Variants in C12orf42 observed in about 807,000 individuals in gnomAD.
C12orf42 encodes the protein uncharacterized protein C12orf42.
C12orf42 carries 25 observed loss-of-function variants against 21.6 expected under a neutral mutation model. The ratio of observed to expected loss-of-function variants is 1.16; its 90% CI spans 0.84 to 1.62. The LOEUF is 1.62. Ranked by LOEUF, C12orf42 falls within the 40% of genes most tolerant of loss-of-function variation. The pLI is 0.00. For synonymous variants in C12orf42, 174 were observed against 175.0 expected, an observed-to-expected ratio of 0.99 and a Z score of 0.05; for missense variants, 483 against 459.3, an observed-to-expected ratio of 1.05 and a Z score of -0.47.
At chr12:103,552,065 C>G in the C12orf42 span, among the ~76,000 whole-genome samples, 4 of 151,790 alleles carry the variant, frequency 2.6e-5, no homozygotes, top group Non-Finnish European at 5.9e-5. Flanking sequence ...TTATTGTGAT[C>G]TCTTATGGAA....
Position 103,302,552 on chromosome 12 carries a change from G to C in C12orf42, c.639C>G (p.Ala213=). ...GGCCGATGGCAGTGGAAGGTCTGGC[G>C]GCAGAACCTGGAAGGCAAAGCAGGA... ...LSSPKKNSGS[A]ARPSTAIGLC... The change falls in exon 6 of 6, where the codon GCC becomes GCG. Residue 213 remains alanine (A), a synonymous_variant. Transcript: ENST00000548883. The C allele has an allele frequency of 6.2e-7, 1 of 1,605,194 alleles. No individual in the cohort carries two copies. Among genetic ancestry groups the C allele is most frequent in the Non-Finnish European group, 8.5e-7 (1 of 1,176,252 alleles).
the C12orf42 span, among the ~76,000 whole-genome samples, chr12:103,219,132 T>A: frequency 6.6e-6 from 1 of 152,218 alleles, no homozygotes; most frequent in Non-Finnish European, 1.5e-5. Flanking sequence ...TGGATCCCAC[T>A]CCCATGGAGG....
chr12:103,218,339 G>A, the C12orf42 span, among the ~76,000 whole-genome samples: 1 of 151,978 alleles, frequency 6.6e-6, no homozygotes, highest in Non-Finnish European at 1.5e-5. Context: ...CTGAGGTCAG[G>A]AAAAATAGAC....
At chr12:103,430,848 C>G (rs1276680031) in intron 2 of C12orf42, among the ~76,000 whole-genome samples, 1 of 152,138 alleles carries the variant, frequency 6.6e-6, no homozygotes, top group Non-Finnish European at 1.5e-5. Context: ...TTATTCTCAG[C>G]AAACTAACAC....
chr12:103,399,426 T>C (rs1232853363), intron 3 of C12orf42, among the ~76,000 whole-genome samples: 1 of 150,908 alleles, frequency 6.6e-6, no homozygotes, highest in Non-Finnish European at 1.5e-5. Flanking sequence ...TGGAGTGAAA[T>C]GGTGCAGTCT....
intron 3 of C12orf42, among the ~76,000 whole-genome samples, chr12:103,388,604 T>C (rs1232638108): frequency 6.6e-6 from 1 of 152,198 alleles, no homozygotes; most frequent in Non-Finnish European, 1.5e-5. Flanking sequence ...GACTTTTAGA[T>C]GCCTGAAATA....
the C12orf42 span, among the ~76,000 whole-genome samples, chr12:103,129,053 G>T: frequency 5.8e-4 from 89 of 152,252 alleles, no homozygotes; most frequent in African/African-American, 2.0e-3. Flanking sequence ...GCCTTCCTGT[G>T]CATCTGTCAG....
chr12:103,164,256 A>G, the C12orf42 span: 1 of 376,402 alleles, frequency 2.7e-6, no homozygotes, highest in South Asian at 2.0e-5. Context: ...CATATATCCT[A>G]TGCTACCAGG....
the C12orf42 span, among the ~76,000 whole-genome samples, chr12:103,196,149 TCAAA>T: frequency 1.0e-3 from 156 of 152,296 alleles, 1 homozygote; most frequent in South Asian, 7.5e-3. Context: ...TTCATTAGTT[TCAAA>T]CAATTTATTG....
chr12:103,301,010 AT>A (rs1396633387), downstream of C12orf42, among the ~76,000 whole-genome samples: 1 of 152,224 alleles, frequency 6.6e-6, no homozygotes, highest in East Asian at 1.9e-4. Flanking sequence ...CATGCTAATA[AT>A]AAAAAAAGTA....
At chr12:103,458,838 A>G (rs1400559167) in intron 2 of C12orf42, among the ~76,000 whole-genome samples, 1 of 152,108 alleles carries the variant, frequency 6.6e-6, no homozygotes, top group Non-Finnish European at 1.5e-5. Context: ...GATCTCTCAC[A>G]ATTTAGGAGA....
intron 3 of C12orf42, among the ~76,000 whole-genome samples, chr12:103,388,417 G>A (rs748916462): frequency 2.6e-4 from 40 of 152,118 alleles, no homozygotes; most frequent in Non-Finnish European, 5.0e-4. Context: ...CCTGCCCCAT[G>A]CCGCTGTTAA....
At chr12:103,532,861 G>A in the C12orf42 span, among the ~76,000 whole-genome samples, 1 of 152,162 alleles carries the variant, frequency 6.6e-6, no homozygotes, top group South Asian at 2.1e-4. Context: ...CTAACAACAG[G>A]GCAGACACAG....
chr12:103,200,143 A>C, the C12orf42 span, among the ~76,000 whole-genome samples: 1 of 152,224 alleles, frequency 6.6e-6, no homozygotes, highest in African/African-American at 2.4e-5. Context: ...AATATTAATC[A>C]GGCTTAAAAA....
At chr12:103,142,651 T>C in the C12orf42 span, among the ~76,000 whole-genome samples, 2 of 152,122 alleles carry the variant, frequency 1.3e-5, no homozygotes, top group Non-Finnish European at 2.9e-5. Flanking sequence ...TTTTATTCTG[T>C]GATTGGAGAA....
At chr12:103,065,350 T>A in the C12orf42 span, among the ~76,000 whole-genome samples, 4 of 152,246 alleles carry the variant, frequency 2.6e-5, no homozygotes, top group African/African-American at 7.2e-5. Flanking sequence ...GTACCTGGTA[T>A]GCAGCCATTG....
At chr12:103,420,009 A>G (rs78165218) in intron 2 of C12orf42, among the ~76,000 whole-genome samples, 2,823 of 152,328 alleles carry the variant, frequency 0.019, 39 homozygotes, top group Non-Finnish European at 0.028. Flanking sequence ...TGTTATATTA[A>G]CATGTGGCCA....
chr12:103,130,937 A>C, the C12orf42 span, among the ~76,000 whole-genome samples: 1 of 152,222 alleles, frequency 6.6e-6, no homozygotes, highest in African/African-American at 2.4e-5. Context: ...AATCTGGTCC[A>C]CGTATACCCA....
Position 103,306,070 on chromosome 12 carries a change from A to G in C12orf42, c.535T>C (p.Ser179Pro). Residue 179 changes from serine (S) to proline (P), a missense_variant, in exon 5 of 6, where the codon TCA (serine) becomes CCA (proline). Physicochemically the swap from Ser to Pro is moderately conservative, Grantham distance 74. Transcript: ENST00000548883. ...GCCTCCAGGTGAACAGGATTTACTG[A>G]GTGTGCCCAGTTAGGCTTTTTAACC... ...QLVKKPNWAHSVNPVHLEAQG... is the reference protein window; with the variant it reads ...QLVKKPNWAHPVNPVHLEAQG... 1 of 1,613,916 alleles carries G rather than the reference A, an allele frequency of 6.2e-7. No individual in the cohort carries two copies. Among genetic ancestry groups the G allele is most frequent in the Non-Finnish European group, 8.5e-7 (1 of 1,179,836 alleles).
Sources: allele counts gnomAD v4.1 joint callset (sites outside exome capture counted in the v4.1 genomes callset), GRCh38; gene constraint gnomAD v4.1.1; transcripts MANE v1.5; gene names NCBI Gene and HGNC (gene_info 2026-07-23, HGNC 2026-07-21).